The following ADGRG6 variants were observed in gnomAD, a reference collection of about 807,000 sequenced individuals.
ADGRG6 encodes the protein adhesion G protein-coupled receptor G6, also known as G-protein coupled receptor 126.
Under a neutral mutation model 142.4 loss-of-function variants are expected in ADGRG6, and 84 were observed. The observed-to-expected ratio is 0.59, with a 90% CI of 0.49 to 0.71. The LOEUF (loss-of-function observed/expected upper bound fraction) is 0.71. Ranked by LOEUF, ADGRG6 falls within the 30% of genes least tolerant of loss-of-function variation. The probability of loss-of-function intolerance (pLI) is 0.00; values close to 1 mark genes in which losing one functional copy is unlikely to be tolerated. For missense variants in ADGRG6, 1,367 were observed against 1,466.6 expected (o/e 0.93, Z 1.11); for synonymous variants, 521 against 520.5 (o/e 1.00, Z -0.01).
chr6:142,402,207 T>C, intron 12 of ADGRG6, 149 bp downstream of exon 12: 1 of 543,020 alleles, frequency 1.8e-6, no homozygotes, highest in Non-Finnish European at 3.3e-6. Flanking sequence ...AGACAGAAAA[T>C]ACTTTTTACT....
In ADGRG6 at chr6:142,383,746, A is replaced by G. The variant is rs1413427864; in HGVS notation, c.1139-14A>G. On this transcript the variant is annotated splice_polypyrimidine_tract_variant and intron_variant, in intron 5 of 24. Transcript: ENST00000367609. ...CTCTTTGCAAAATTACATCTTTCTC[A>G]TCTTTATTACCAGCTACTGTAAACT... 2.2e-6 allele frequency: 3 copies of G among 1,359,942 alleles called. No homozygotes were observed. The highest frequency in any genetic ancestry group is 2.4e-5 in the South Asian group (2 of 83,644). The allele number at this position is 1,359,942 out of a possible 1,614,324, so 84.2% of individuals were successfully genotyped here.
intron 4 of ADGRG6, among the ~76,000 whole-genome samples, chr6:142,379,696 G>C (rs1781668713): frequency 6.6e-6 from 1 of 152,122 alleles, no homozygotes; most frequent in Non-Finnish European, 1.5e-5. Context: ...GAACCCGGGA[G>C]GCAGAGTTTG....
intron 22 of ADGRG6, among the ~76,000 whole-genome samples, chr6:142,435,258 C>A (rs1195204814): frequency 6.6e-6 from 1 of 152,066 alleles, no homozygotes; most frequent in Non-Finnish European, 1.5e-5. Context: ...TGCTTAGCAG[C>A]GCTTAATAAA....
intron 4 of ADGRG6, among the ~76,000 whole-genome samples, chr6:142,371,483 T>TG (rs1491179710): frequency 9.4e-5 from 13 of 137,916 alleles, no homozygotes; most frequent in Non-Finnish European, 7.6e-5. Context: ...TGTTTTTTTT[T>TG]GTTTTTTTTT....
intron 1 of ADGRG6, among the ~76,000 whole-genome samples, chr6:142,305,646 A>G (rs1225676383): frequency 2.0e-5 from 3 of 152,186 alleles, no homozygotes; most frequent in Non-Finnish European, 2.9e-5. Context: ...CTGTAGTACA[A>G]TATTAAAACA....
intron 4 of ADGRG6, among the ~76,000 whole-genome samples, chr6:142,373,909 T>C (rs1781375880): frequency 6.8e-6 from 1 of 147,448 alleles, no homozygotes; most frequent in Admixed American, 6.7e-5. Context: ...TTTTTTTAAG[T>C]TGGGGTCTTA....
In ADGRG6 at chr6:142,408,143, T is replaced by G; in HGVS notation, c.2269-7T>G. 1 of 1,552,220 alleles carries G rather than the reference T, an allele frequency of 6.4e-7. No individual in the cohort carries two copies. The stretch of plus-strand genomic sequence containing the variant: ...ACTGATACACGCGATTTTTTTTTCT[T>G]TAAAAGGATGTAGGACCCCAAAGAA... On this transcript the variant is annotated splice_polypyrimidine_tract_variant and splice_region_variant and intron_variant, in intron 15 of 24. Coordinates refer to ENST00000367609, the MANE Select transcript of ADGRG6 (RefSeq NM_198569.3).
intron 2 of ADGRG6, among the ~76,000 whole-genome samples, chr6:142,345,611 CT>C (rs1437514679): frequency 6.6e-6 from 1 of 152,076 alleles, no homozygotes; most frequent in African/African-American, 2.4e-5. Context: ...CCTTCTCCCC[CT>C]AACAGCATGT....
chr6:142,420,076 C>T lies in ADGRG6; in HGVS notation c.3291C>T (p.Tyr1097=), dbSNP rs1240586816. The change falls in exon 22 of 25, where the codon TAC becomes TAT. Residue 1097 remains tyrosine (Y), a synonymous_variant. Coordinates refer to ENST00000367609, the MANE Select transcript of ADGRG6 (RefSeq NM_198569.3). ...GACCCTTAAATATCCCCTTCATGTA[C>T]CTCTTCTCCATCTTCAATTCATTAC... ...AWGPLNIPFM[Y]LFSIFNSLQG... The T allele has an allele frequency of 6.2e-7, 1 of 1,612,222 alleles. No homozygotes were observed. The highest frequency in any genetic ancestry group is 1.1e-5 in the South Asian group (1 of 91,026).
chr6:142,323,882 A>G (rs1029339787), intron 2 of ADGRG6, among the ~76,000 whole-genome samples: 10 of 152,078 alleles, frequency 6.6e-5, no homozygotes, highest in African/African-American at 2.4e-4. Flanking sequence ...TGGCTGTATA[A>G]TGGAGCTGCC....
At chr6:142,408,532 C>T (rs1212081224) in intron 16 of ADGRG6, among the ~76,000 whole-genome samples, 2 of 152,084 alleles carry the variant, frequency 1.3e-5, no homozygotes, top group Non-Finnish European at 2.9e-5. Context: ...TCAGATATAA[C>T]ATATATTGCT....
chr6:142,386,625 T>G (rs1782039618), intron 6 of ADGRG6, among the ~76,000 whole-genome samples: 1 of 152,210 alleles, frequency 6.6e-6, no homozygotes, highest in Admixed American at 6.5e-5. Context: ...GTTTGCCGAG[T>G]GCTTTCATAC....
chr6:142,390,957 G>A (rs543088011), intron 7 of ADGRG6, among the ~76,000 whole-genome samples: 1 of 151,762 alleles, frequency 6.6e-6, no homozygotes, highest in Admixed American at 6.6e-5. Context: ...TGCAACATTA[G>A]AGAACTACAT....
intron 11 of ADGRG6, 62 bp downstream of exon 11, chr6:142,400,658 C>T (rs191164282): frequency 3.7e-6 from 3 of 818,374 alleles, no homozygotes; most frequent in African/African-American, 1.7e-5. Flanking sequence ...CAGGGTTATA[C>T]GTGCAGCACG....
chr6:142,366,445 GT>G (rs1036781557), intron 2 of ADGRG6, among the ~76,000 whole-genome samples: 5 of 152,146 alleles, frequency 3.3e-5, no homozygotes, highest in Non-Finnish European at 5.9e-5. Context: ...ACATCATTCA[GT>G]TGGATCTCTC....
At chr6:142,331,108 A>G (rs1321526817) in intron 2 of ADGRG6, among the ~76,000 whole-genome samples, 2 of 151,404 alleles carry the variant, frequency 1.3e-5, no homozygotes, top group African/African-American at 2.4e-5. Context: ...TGGACATTCT[A>G]TGGAATACAG....
chr6:142,328,942 A>T (rs192677284), intron 2 of ADGRG6, among the ~76,000 whole-genome samples: 1 of 152,248 alleles, frequency 6.6e-6, no homozygotes, highest in Admixed American at 6.5e-5. Context: ...TTTCTTACTT[A>T]TATCCACATC....
chr6:142,344,254 T>G (rs1157502913), intron 2 of ADGRG6, among the ~76,000 whole-genome samples: 1 of 151,974 alleles, frequency 6.6e-6, no homozygotes, highest in Non-Finnish European at 1.5e-5. Context: ...AAATACATAC[T>G]TGAGAAAACA....
chr6:142,364,392 C>A (rs983451530), intron 2 of ADGRG6, among the ~76,000 whole-genome samples: 1 of 152,082 alleles, frequency 6.6e-6, no homozygotes, highest in South Asian at 2.1e-4. Context: ...TTATGAGTGT[C>A]ATCTTTATCT....
Sources: allele counts gnomAD v4.1 joint callset (sites outside exome capture counted in the v4.1 genomes callset), GRCh38; gene constraint gnomAD v4.1.1; transcripts MANE v1.5; gene names NCBI Gene and HGNC (gene_info 2026-07-23, HGNC 2026-07-21).